ANTXR2: variants seen among roughly 807,000 people sequenced by gnomAD.
ANTXR2 encodes the protein anthrax toxin receptor 2.
Under a neutral mutation model 73.7 loss-of-function variants are expected in ANTXR2, and 44 were observed. The ratio of observed to expected loss-of-function variants is 0.60; its 90% CI spans 0.47 to 0.77. ANTXR2 has a LOEUF of 0.77. Ranked by LOEUF, ANTXR2 falls within the 30% of genes least tolerant of loss-of-function variation. ANTXR2 has a pLI of 0.00. For missense variants in ANTXR2, 604 were observed against 592.5 expected, an observed-to-expected ratio of 1.02 and a Z score of -0.20; for synonymous variants, 217 against 205.9, an observed-to-expected ratio of 1.05 and a Z score of -0.46.
chr4:80,051,297 G>A (rs950947454), intron 7 of ANTXR2, among the ~76,000 whole-genome samples: 4 of 151,498 alleles, frequency 2.6e-5, no homozygotes, highest in African/African-American at 9.7e-5. Context: ...ATCTTTCAGG[G>A]GACTACCATA....
intron 9 of ANTXR2, among the ~76,000 whole-genome samples, chr4:80,033,265 C>A (rs760916481): frequency 1.3e-5 from 2 of 151,984 alleles, no homozygotes; most frequent in Non-Finnish European, 2.9e-5. Context: ...CAGGGTCCAG[C>A]ATTTATTAAG....
At chr4:79,916,828 T>C (rs1237906792) in intron 16 of ANTXR2, among the ~76,000 whole-genome samples, 1 of 152,152 alleles carries the variant, frequency 6.6e-6, no homozygotes, top group Admixed American at 6.6e-5. Flanking sequence ...CACTATAGCA[T>C]CTTTTATATT....
intron 16 of ANTXR2, among the ~76,000 whole-genome samples, chr4:79,935,309 A>T (rs1315183398): frequency 1.4e-5 from 1 of 70,700 alleles, no homozygotes. Flanking sequence ...CCCCACCCCC[A>T]CCCTCTCCAT....
chr4:79,991,332 A>T (rs1560952242), intron 12 of ANTXR2, among the ~76,000 whole-genome samples: 2 of 152,194 alleles, frequency 1.3e-5, no homozygotes, highest in African/African-American at 2.4e-5. Context: ...ATACAAGGCC[A>T]ACAAGCTTAT....
chr4:80,035,429 A>C (rs1386363382), intron 8 of ANTXR2, among the ~76,000 whole-genome samples: 1 of 152,160 alleles, frequency 6.6e-6, no homozygotes, highest in Non-Finnish European at 1.5e-5. Flanking sequence ...GTCAGGCTTG[A>C]AAAAGAAACA....
In ANTXR2 at chr4:80,055,486, T is replaced by C. The variant is rs1733953973; in HGVS notation, c.379-19A>G. 1 of 1,573,884 alleles carries C rather than the reference T, an allele frequency of 6.4e-7. No individual in the cohort carries two copies. Among genetic ancestry groups the C allele is most frequent in the East Asian group, 2.3e-5 (1 of 44,424 alleles). On this transcript the variant is annotated intron_variant, in intron 4 of 16. Transcript: ENST00000403729. The stretch of plus-strand genomic sequence containing the variant: ...CATTCGCCTGAAAATGAAGAATAAT[T>C]ATCCAACTCACAATTTAATTTTAAC...
intron 16 of ANTXR2, among the ~76,000 whole-genome samples, chr4:79,916,873 C>T (rs929397774): frequency 1.3e-5 from 2 of 151,964 alleles, no homozygotes; most frequent in Middle Eastern, 3.4e-3. Flanking sequence ...TTAACATATG[C>T]TTAATTTTTA....
At chr4:79,997,255 C>T (rs1263969184) in intron 12 of ANTXR2, among the ~76,000 whole-genome samples, 2 of 150,900 alleles carry the variant, frequency 1.3e-5, no homozygotes, top group Non-Finnish European at 3.0e-5. Context: ...ATTGAATTGC[C>T]TTGGATTAAA....
intron 16 of ANTXR2, among the ~76,000 whole-genome samples, chr4:79,934,693 T>C (rs1024085054): frequency 1.3e-5 from 2 of 152,298 alleles, no homozygotes; most frequent in African/African-American, 4.8e-5. Flanking sequence ...ATGCCTGATA[T>C]ATGATAAACA....
chr4:80,069,549 G>C (rs1203496492), intron 2 of ANTXR2, 42 bp from the exon 3 acceptor site: 1 of 1,436,306 alleles, frequency 7.0e-7, no homozygotes, highest in African/African-American at 1.4e-5. Context: ...TTTTTAAAAA[G>C]AAATATTGAT....
At chr4:80,007,148 C>T (rs1401357151) in intron 12 of ANTXR2, among the ~76,000 whole-genome samples, 1 of 152,100 alleles carries the variant, frequency 6.6e-6, no homozygotes, top group Non-Finnish European at 1.5e-5. Flanking sequence ...TGTCAAGTTG[C>T]CTCATGAAAG....
intron 14 of ANTXR2, among the ~76,000 whole-genome samples, chr4:79,983,490 T>C (rs1729974391): frequency 6.6e-6 from 1 of 152,184 alleles, no homozygotes; most frequent in Non-Finnish European, 1.5e-5. Context: ...TTGAATATTT[T>C]AACATTTTCT....
chr4:79,987,197 A>G (rs1227787438), intron 12 of ANTXR2, among the ~76,000 whole-genome samples: 2 of 152,038 alleles, frequency 1.3e-5, no homozygotes, highest in Non-Finnish European at 2.9e-5. Flanking sequence ...CCAGTGAGAT[A>G]CAGGAGAAGG....
chr4:80,068,066 T>C (rs1734592063), intron 3 of ANTXR2, among the ~76,000 whole-genome samples: 1 of 152,206 alleles, frequency 6.6e-6, no homozygotes, highest in African/African-American at 2.4e-5. Context: ...ACTCAGCATC[T>C]GCAGGGAGAT....
At chr4:79,985,565 A>G (rs965409736) in intron 12 of ANTXR2, among the ~76,000 whole-genome samples, 1 of 152,058 alleles carries the variant, frequency 6.6e-6, no homozygotes, top group African/African-American at 2.4e-5. Flanking sequence ...AGACAGAGAC[A>G]CCAGCTGATC....
At chr4:80,021,384 A>C (rs1578162593) in intron 10 of ANTXR2, among the ~76,000 whole-genome samples, 2 of 152,194 alleles carry the variant, frequency 1.3e-5, no homozygotes, top group Middle Eastern at 6.8e-3. Flanking sequence ...CTAGTTCTTA[A>C]TTCCTCTACT....
chr4:80,045,650 T>G (rs1191450783), intron 7 of ANTXR2, among the ~76,000 whole-genome samples: 1 of 151,484 alleles, frequency 6.6e-6, no homozygotes, highest in Admixed American at 6.6e-5. Flanking sequence ...ACAAAAAGAT[T>G]TCAAGTTTAA....
At chr4:80,012,784 G>C (rs573697772) in intron 11 of ANTXR2, among the ~76,000 whole-genome samples, 51 of 152,256 alleles carry the variant, frequency 3.3e-4, no homozygotes, top group African/African-American at 1.2e-3. Flanking sequence ...ACCACCTGCT[G>C]TTACACTCAT....
chr4:79,962,971 A>C (rs1729201038), intron 16 of ANTXR2, among the ~76,000 whole-genome samples: 1 of 152,142 alleles, frequency 6.6e-6, no homozygotes, highest in African/African-American at 2.4e-5. Context: ...AATTGAGTGA[A>C]GGTTCCAATC....
Sources: allele counts gnomAD v4.1 joint callset (sites outside exome capture counted in the v4.1 genomes callset), GRCh38; gene constraint gnomAD v4.1.1; transcripts MANE v1.5; gene names NCBI Gene and HGNC (gene_info 2026-07-23, HGNC 2026-07-21).